USP34: variants seen among roughly 807,000 people sequenced by gnomAD.
USP34 encodes ubiquitin carboxyl-terminal hydrolase 34.
In USP34, 70 loss-of-function variants were observed where a neutral mutation model predicts 460.3. That is an observed-to-expected ratio of 0.15 (90% confidence interval 0.13 to 0.19). The LOEUF (loss-of-function observed/expected upper bound fraction) is 0.19. USP34 is among the 10% of genes least tolerant of loss of function. The pLI, the probability that USP34 is intolerant of heterozygous loss-of-function variation, is 1.00. For synonymous variants in USP34, 1,647 were observed against 1,405.3 expected, an observed-to-expected ratio of 1.17 and a Z score of -3.85; for missense variants, 3,985 against 4,236.2, an observed-to-expected ratio of 0.94 and a Z score of 1.65.
intron 30 of USP34, 111 bp from the exon 31 acceptor site, chr2:61,295,401 G>A: frequency 8.5e-7 from 1 of 1,177,460 alleles, no homozygotes; most frequent in East Asian, 2.7e-5. Context: ...TATATACTTT[G>A]AAACATATTA....
intron 16 of USP34, among the ~76,000 whole-genome samples, chr2:61,340,922 G>A (rs574652293): frequency 2.8e-5 from 4 of 144,154 alleles, no homozygotes; most frequent in South Asian, 4.3e-4. Context: ...TAATTTTATC[G>A]AAATACATAT....
intron 1 of USP34, among the ~76,000 whole-genome samples, chr2:61,437,814 T>TAAATAAATAAATAAATTAAA (rs1191482540): frequency 6.7e-6 from 1 of 150,018 alleles, no homozygotes; most frequent in Non-Finnish European, 1.5e-5. Context: ...AATAAATAAA[T>TAAATAAATAAATAAATTAAA]AAAAAACCTG....
At chr2:61,445,860 A>G (rs1695099666) in intron 1 of USP34, among the ~76,000 whole-genome samples, 1 of 151,922 alleles carries the variant, frequency 6.6e-6, no homozygotes, top group Non-Finnish European at 1.5e-5. Context: ...AGGCAGAAGT[A>G]TCGCTTGAAC....
chr2:61,281,504 C>G (rs1400135810), intron 37 of USP34, among the ~76,000 whole-genome samples: 1 of 152,122 alleles, frequency 6.6e-6, no homozygotes, highest in Admixed American at 6.5e-5. Flanking sequence ...CCCAGCTACT[C>G]TGGAGACAGG....
intron 10 of USP34, among the ~76,000 whole-genome samples, chr2:61,352,912 A>G (rs1691987588): frequency 6.6e-6 from 1 of 152,204 alleles, no homozygotes; most frequent in Non-Finnish European, 1.5e-5. Context: ...GGGAGAACAG[A>G]AAACGCCAGG....
intron 2 of USP34, among the ~76,000 whole-genome samples, chr2:61,418,689 T>C (rs1694271258): frequency 6.6e-6 from 1 of 152,088 alleles, no homozygotes; most frequent in Non-Finnish European, 1.5e-5. Context: ...CTCAAGAAAA[T>C]AATTTAGGGG....
intron 49 of USP34, 48 bp downstream of exon 49, chr2:61,248,463 T>C (rs375623166): frequency 2.7e-6 from 4 of 1,495,240 alleles, no homozygotes; most frequent in African/African-American, 2.8e-5. Context: ...TACCTTGTTA[T>C]GGAGATTGAC....
At chr2:61,392,037 T>C (rs1024110727) in intron 5 of USP34, among the ~76,000 whole-genome samples, 2 of 152,170 alleles carry the variant, frequency 1.3e-5, no homozygotes, top group Non-Finnish European at 2.9e-5. Flanking sequence ...CTATGCAGAT[T>C]GACAACAGCC....
At chr2:61,200,351 TTC>T (rs1433981213) in intron 75 of USP34, 1 of 152,338 alleles carries the variant, frequency 6.6e-6, no homozygotes, top group African/African-American at 2.4e-5. Context: ...CCTTCCTGAA[TTC>T]TCTTTCCCTT....
intron 2 of USP34, among the ~76,000 whole-genome samples, chr2:61,418,854 ATACT>A (rs570138804): frequency 1.2e-3 from 180 of 152,356 alleles, no homozygotes; most frequent in African/African-American, 4.1e-3. Flanking sequence ...ACAACTGTTC[ATACT>A]TACTGACAGG....
At chr2:61,280,475 A>T (rs1689502343) in intron 38 of USP34, 127 bp from the exon 39 acceptor site, 2 of 433,120 alleles carry the variant, frequency 4.6e-6, no homozygotes, top group East Asian at 7.8e-5. Flanking sequence ...AAATCTTTTT[A>T]AAAATGGAGT....
intron 41 of USP34, among the ~76,000 whole-genome samples, chr2:61,274,003 T>G (rs1055266301): frequency 5.3e-5 from 8 of 151,622 alleles, no homozygotes; most frequent in Admixed American, 1.3e-4. Context: ...TATGAAAGCA[T>G]GAAAAAACAG....
chr2:61,220,021 TAAG>T (rs1185146524), intron 67 of USP34, among the ~76,000 whole-genome samples: 1 of 151,850 alleles, frequency 6.6e-6, no homozygotes, highest in Non-Finnish European at 1.5e-5. Context: ...AAGTTACTTT[TAAG>T]ACAGGATTTT....
intron 2 of USP34, among the ~76,000 whole-genome samples, chr2:61,408,361 C>T (rs904743135): frequency 2.6e-5 from 4 of 152,008 alleles, no homozygotes; most frequent in African/African-American, 9.7e-5. Flanking sequence ...AGATATAGTA[C>T]TACTTTTGGA....
intron 58 of USP34, among the ~76,000 whole-genome samples, chr2:61,232,181 G>A (rs1408584578): frequency 1.3e-5 from 2 of 152,064 alleles, no homozygotes; most frequent in East Asian, 1.9e-4. Flanking sequence ...TAATAATAAA[G>A]AGCAGGATCT....
In USP34 at chr2:61,243,903, C is replaced by T. The variant is rs532039034; in HGVS notation, c.6627+1307G>A. ...AAAGGAGACATTCTAGGCATAACAT[C>T]TACAGATGCAATTGGTTTAGTGGTG... On this transcript the variant is annotated intron_variant, in intron 51 of 79. Coordinates refer to ENST00000398571, the MANE Select transcript of USP34 (RefSeq NM_014709.4). Among the ~76,000 whole-genome samples, 21 of 150,986 alleles carry T rather than the reference C, an allele frequency of 1.4e-4. 1 individual carries two copies. The South Asian group carries it at 4.4e-3, about 32-fold the overall frequency.
intron 7 of USP34, among the ~76,000 whole-genome samples, chr2:61,378,913 G>GAAAAAAAC (rs1692879724): frequency 3.5e-5 from 2 of 57,872 alleles, no homozygotes; most frequent in African/African-American, 1.5e-4. Flanking sequence ...TCAAAAAAAC[G>GAAAAAAAC]AAAAAAAAAA....
intron 2 of USP34, among the ~76,000 whole-genome samples, chr2:61,406,721 T>A (rs1004670501): frequency 6.6e-6 from 1 of 150,810 alleles, no homozygotes; most frequent in Non-Finnish European, 1.5e-5. Context: ...AAAAAAAATA[T>A]TGGCCAGGCG....
chr2:61,195,366 T>TTAAA (rs1686767558), intron 75 of USP34, among the ~76,000 whole-genome samples: 1 of 140,208 alleles, frequency 7.1e-6, no homozygotes, highest in African/African-American at 2.7e-5. Context: ...TTTTAAAGGT[T>TTAAA]AAAAAAAAAA....
Sources: allele counts gnomAD v4.1 joint callset (sites outside exome capture counted in the v4.1 genomes callset), GRCh38; gene constraint gnomAD v4.1.1; transcripts MANE v1.5; gene names NCBI Gene and HGNC (gene_info 2026-07-23, HGNC 2026-07-21).